KIAA1217: variants seen among roughly 807,000 people sequenced by gnomAD.
The protein encoded by KIAA1217 is KIAA1217.
Under a neutral mutation model 163.9 loss-of-function variants are expected in KIAA1217, and 88 were observed. That is an observed-to-expected ratio of 0.54 (90% CI 0.45 to 0.64). The LOEUF (loss-of-function observed/expected upper bound fraction) is 0.64. Ranked by LOEUF, KIAA1217 falls within the 30% of genes least tolerant of loss-of-function variation. The probability of loss-of-function intolerance (pLI) is 0.00; values close to 1 mark genes in which losing one functional copy is unlikely to be tolerated. For synonymous variants in KIAA1217, 903 were observed against 923.1 expected, an observed-to-expected ratio of 0.98 and a Z score of 0.39; for missense variants, 2,372 against 2,475.0, an observed-to-expected ratio of 0.96 and a Z score of 0.88.
intron 2 of KIAA1217, among the ~76,000 whole-genome samples, chr10:24,116,060 T>A (rs1404598984): frequency 6.6e-6 from 1 of 152,168 alleles, no homozygotes; most frequent in Non-Finnish European, 1.5e-5. Flanking sequence ...CTTCCCTCGT[T>A]GACAGTGTCT....
chr10:24,055,923 C>T (rs2131590681), intron 2 of KIAA1217, among the ~76,000 whole-genome samples: 1 of 151,548 alleles, frequency 6.6e-6, no homozygotes, highest in South Asian at 2.1e-4. Context: ...CAGAGAATGC[C>T]CTTGCAGAAG....
intron 9 of KIAA1217, among the ~76,000 whole-genome samples, chr10:24,512,885 T>G (rs768315853): frequency 1.3e-5 from 2 of 152,176 alleles, no homozygotes; most frequent in African/African-American, 2.4e-5. Flanking sequence ...GCCCAAAGTC[T>G]CACAGTGGGC....
In KIAA1217 at chr10:24,440,812, G is replaced by A. The variant is rs79856144; in HGVS notation, c.846+2333G>A. On this transcript the variant is annotated intron_variant, in intron 5 of 20. Transcript: ENST00000376454. ...TTTGTGTTTCAATGCAGATTACTTA[G>A]AAATGAGAAATAGAAAGCGGTTTCA... 1.6e-4 allele frequency among the ~76,000 whole-genome samples: 25 copies of A among 152,328 alleles called. No homozygotes were observed. The East Asian group carries it at 4.8e-3, about 29-fold the overall frequency.
At chr10:24,209,665 G>A (rs1322827458) in intron 1 of KIAA1217, among the ~76,000 whole-genome samples, 1 of 152,274 alleles carries the variant, frequency 6.6e-6, no homozygotes, top group East Asian at 1.9e-4. Flanking sequence ...ATTGGTTGGG[G>A]GATTCCATGT....
At chr10:23,963,595 T>G (rs939225112) in intron 1 of KIAA1217, among the ~76,000 whole-genome samples, 1 of 152,204 alleles carries the variant, frequency 6.6e-6, no homozygotes, top group African/African-American at 2.4e-5. Flanking sequence ...TGCATCTTTA[T>G]AGTAGAATGA....
At chr10:24,345,400 G>A (rs548442299) in intron 2 of KIAA1217, among the ~76,000 whole-genome samples, 47 of 152,356 alleles carry the variant, frequency 3.1e-4, no homozygotes, top group Non-Finnish European at 4.4e-5. Context: ...GCCTACTGCT[G>A]TGAGCCTATC....
chr10:24,513,970 A>G (rs1455039227), intron 10 of KIAA1217, among the ~76,000 whole-genome samples: 1 of 152,178 alleles, frequency 6.6e-6, no homozygotes. Context: ...CTATTATTCA[A>G]CTGTAGTTAA....
intron 1 of KIAA1217, among the ~76,000 whole-genome samples, chr10:23,865,277 G>T (rs541003913): frequency 3.4e-4 from 52 of 152,276 alleles, no homozygotes; most frequent in African/African-American, 1.2e-3. Flanking sequence ...CAGATCAAAT[G>T]AATGAAATAT....
At chr10:23,768,518 G>A (rs963197574) in intron 1 of KIAA1217, among the ~76,000 whole-genome samples, 3 of 152,194 alleles carry the variant, frequency 2.0e-5, no homozygotes, top group Admixed American at 1.3e-4. Flanking sequence ...GAAATTTCCT[G>A]TGCTACTCTT....
At chr10:23,862,503 C>G (rs1253343492) in intron 1 of KIAA1217, among the ~76,000 whole-genome samples, 1 of 152,094 alleles carries the variant, frequency 6.6e-6, no homozygotes, top group Non-Finnish European at 1.5e-5. Context: ...TTTTATCTCT[C>G]TCTTTGGAGC....
At chr10:23,805,310 A>AAT (rs1836681488) in intron 1 of KIAA1217, among the ~76,000 whole-genome samples, 1 of 152,178 alleles carries the variant, frequency 6.6e-6, no homozygotes. Context: ...ATTTCTTACA[A>AAT]ATACACCACA....
At chr10:23,783,743 G>T (rs1232872411) in intron 1 of KIAA1217, among the ~76,000 whole-genome samples, 1 of 151,888 alleles carries the variant, frequency 6.6e-6, no homozygotes, top group East Asian at 1.9e-4. Context: ...TCCTTTCTGT[G>T]CTATTGATTT....
At chr10:24,469,217 C>T (rs1392950403) in intron 5 of KIAA1217, among the ~76,000 whole-genome samples, 2 of 152,194 alleles carry the variant, frequency 1.3e-5, no homozygotes, top group East Asian at 3.9e-4. Flanking sequence ...CCTCCGCCTC[C>T]CAGGCTCAAG....
chr10:24,016,852 TA>T (rs928139734), intron 2 of KIAA1217, among the ~76,000 whole-genome samples: 5 of 151,532 alleles, frequency 3.3e-5, no homozygotes, highest in Admixed American at 6.6e-5. Flanking sequence ...GGCAAGCATT[TA>T]AAAAAAACGT....
intron 1 of KIAA1217, among the ~76,000 whole-genome samples, chr10:23,882,611 A>G (rs1181146147): frequency 2.6e-5 from 4 of 151,942 alleles, no homozygotes; most frequent in Non-Finnish European, 4.4e-5. Context: ...CAATTAGGAA[A>G]CAAATCACCA....
chr10:24,364,339 T>A (rs374320986), intron 2 of KIAA1217, among the ~76,000 whole-genome samples: 1 of 152,208 alleles, frequency 6.6e-6, no homozygotes, highest in African/African-American at 2.4e-5. Context: ...AAATCAAGCT[T>A]GTAAATGCTC....
chr10:24,120,622 A>G (rs550815702), intron 2 of KIAA1217, among the ~76,000 whole-genome samples: 1 of 152,292 alleles, frequency 6.6e-6, no homozygotes, highest in South Asian at 2.1e-4. Context: ...ATTCCTCCTT[A>G]ACCAGTTAAG....
At chr10:23,934,602 T>C in intron 1 of KIAA1217, among the ~76,000 whole-genome samples, 2 of 85,448 alleles carry the variant, frequency 2.3e-5, no homozygotes, top group Admixed American at 2.2e-4. Context: ...TATATATATA[T>C]ATATGTATAT....
At chr10:23,891,497 A>G (rs1362855621) in intron 1 of KIAA1217, among the ~76,000 whole-genome samples, 1 of 151,912 alleles carries the variant, frequency 6.6e-6, no homozygotes, top group Non-Finnish European at 1.5e-5. Context: ...CAGTAGCTTC[A>G]GCAACCTCAT....
Sources: allele counts gnomAD v4.1 joint callset (sites outside exome capture counted in the v4.1 genomes callset), GRCh38; gene constraint gnomAD v4.1.1; transcripts MANE v1.5; gene names NCBI Gene and HGNC (gene_info 2026-07-23, HGNC 2026-07-21).